Variants in GABBR2 observed in about 807,000 individuals in gnomAD.
GABBR2 encodes the protein G-protein coupled receptor 51.
A neutral mutation model predicts 105.6 loss-of-function variants in GABBR2; 23 were observed. The observed-to-expected ratio is 0.22, with a 90% CI of 0.16 to 0.31. The LOEUF (loss-of-function observed/expected upper bound fraction) is 0.31. GABBR2 is among the 10% of genes least tolerant of loss of function. The probability of loss-of-function intolerance (pLI) is 1.00; values close to 1 mark genes in which losing one functional copy is unlikely to be tolerated. For synonymous variants in GABBR2, 478 were observed against 499.7 expected (o/e 0.96, Z 0.58); for missense variants, 734 against 1,245.5 (o/e 0.59, Z 6.18).
chr9:98,356,598 T>A (rs1018167016), intron 13 of GABBR2, among the ~76,000 whole-genome samples: 1 of 152,234 alleles, frequency 6.6e-6, no homozygotes, highest in African/African-American at 2.4e-5. Context: ...GGAAGACGGT[T>A]TGGTAGTTTC....
intron 3 of GABBR2, among the ~76,000 whole-genome samples, chr9:98,535,781 A>G (rs1382205242): frequency 1.3e-5 from 2 of 152,206 alleles, no homozygotes; most frequent in Non-Finnish European, 1.5e-5. Context: ...CCAATCTGAA[A>G]AGGCTACATT....
chr9:98,439,000 G>T lies in GABBR2; in HGVS notation c.1236+14981C>A, dbSNP rs540077982. ...CTTAACATAAAGATAAAGCAATAAG[G>T]AGGTCACTGTTTCCCAAACCTTGTC... On this transcript the variant is annotated intron_variant, in intron 7 of 18. Transcript: ENST00000259455. 9.2e-5 allele frequency among the ~76,000 whole-genome samples: 14 copies of T among 152,034 alleles called. No homozygotes were observed. In the South Asian group the frequency reaches 2.7e-3, roughly 29 times the overall value.
chr9:98,342,401 G>A (rs1036141362), intron 13 of GABBR2, among the ~76,000 whole-genome samples: 14 of 152,114 alleles, frequency 9.2e-5, no homozygotes, highest in African/African-American at 2.4e-4. Flanking sequence ...CGAGCCAGCC[G>A]GATCATCAAA....
At chr9:98,662,943 G>T (rs1190689802) in intron 1 of GABBR2, among the ~76,000 whole-genome samples, 1 of 152,174 alleles carries the variant, frequency 6.6e-6, no homozygotes, top group African/African-American at 2.4e-5. Flanking sequence ...TCCCACAGGA[G>T]CCAAGAGGTG....
chr9:98,368,916 G>A (rs1001857576), intron 12 of GABBR2, among the ~76,000 whole-genome samples: 1 of 152,214 alleles, frequency 6.6e-6, no homozygotes, highest in South Asian at 2.1e-4. Context: ...GGGTCAGGGC[G>A]GGGCCCAGGA....
At chr9:98,640,207 G>A (rs1490737136) in intron 1 of GABBR2, among the ~76,000 whole-genome samples, 1 of 151,594 alleles carries the variant, frequency 6.6e-6, no homozygotes, top group African/African-American at 2.4e-5. Context: ...GGCAGGGGCA[G>A]GGTCTTATTC....
intron 1 of GABBR2, chr9:98,607,189 A>C: frequency 6.3e-7 from 1 of 1,598,800 alleles, no homozygotes; most frequent in South Asian, 1.1e-5. Context: ...TTGGAGATGC[A>C]GTGGATAATA....
intron 1 of GABBR2, among the ~76,000 whole-genome samples, chr9:98,675,165 G>A (rs542946263): frequency 5.9e-5 from 9 of 152,290 alleles, no homozygotes; most frequent in African/African-American, 1.9e-4. Context: ...GAGAGTGAAC[G>A]CAGATATGTT....
chr9:98,607,846 G>A, intron 1 of GABBR2: 2 of 1,116,674 alleles, frequency 1.8e-6, no homozygotes, highest in Non-Finnish European at 2.7e-6. Context: ...AATGGAAGAA[G>A]AAAGAAGGGA....
At chr9:98,562,345 G>A (rs1438088123) in intron 2 of GABBR2, among the ~76,000 whole-genome samples, 1 of 152,154 alleles carries the variant, frequency 6.6e-6, no homozygotes, top group Non-Finnish European at 1.5e-5. Flanking sequence ...CATGTTCCTT[G>A]CTTGTGTCCA....
chr9:98,423,097 C>G (rs1832813055), intron 7 of GABBR2, among the ~76,000 whole-genome samples: 2 of 152,152 alleles, frequency 1.3e-5, no homozygotes, highest in Non-Finnish European at 1.5e-5. Context: ...TTTATAGCAG[C>G]ATGATTTATA....
At chr9:98,677,287 G>T (rs1368868589) in intron 1 of GABBR2, among the ~76,000 whole-genome samples, 2 of 152,202 alleles carry the variant, frequency 1.3e-5, no homozygotes, top group Non-Finnish European at 2.9e-5. Context: ...CTGCACACTG[G>T]CCAGCCCCCA....
At chr9:98,356,981 C>G (rs935828057) in intron 13 of GABBR2, among the ~76,000 whole-genome samples, 2 of 152,316 alleles carry the variant, frequency 1.3e-5, no homozygotes, top group Admixed American at 1.3e-4. Flanking sequence ...GTGATTCTAA[C>G]TATATGACAT....
chr9:98,366,591 C>T (rs947784926), intron 12 of GABBR2, among the ~76,000 whole-genome samples: 2 of 152,120 alleles, frequency 1.3e-5, no homozygotes, highest in African/African-American at 4.8e-5. Flanking sequence ...TTTCAAAAAA[C>T]TTGAGATTTT....
intron 12 of GABBR2, among the ~76,000 whole-genome samples, chr9:98,363,808 G>T (rs539261724): frequency 6.6e-6 from 1 of 152,122 alleles, no homozygotes; most frequent in East Asian, 1.9e-4. Flanking sequence ...CCCACTTTAC[G>T]TCTGTTTGAT....
At chr9:98,674,522 C>T (rs938682782) in intron 1 of GABBR2, among the ~76,000 whole-genome samples, 2 of 152,112 alleles carry the variant, frequency 1.3e-5, no homozygotes, top group African/African-American at 2.4e-5. Flanking sequence ...ATCCCCACCG[C>T]AGGACCTTTT....
intron 1 of GABBR2, among the ~76,000 whole-genome samples, chr9:98,643,179 G>C (rs1829989303): frequency 6.6e-6 from 1 of 152,236 alleles, no homozygotes; most frequent in African/African-American, 2.4e-5. Flanking sequence ...GGAGGGGAGA[G>C]GGAGCTGAGA....
chr9:98,554,167 G>A (rs1828540652), intron 2 of GABBR2, among the ~76,000 whole-genome samples: 1 of 152,110 alleles, frequency 6.6e-6, no homozygotes, highest in Non-Finnish European at 1.5e-5. Context: ...AGGCATCTGA[G>A]GCTAAGACTA....
chr9:98,706,109 C>CAA (rs3983388), intron 1 of GABBR2, among the ~76,000 whole-genome samples: 8 of 136,998 alleles, frequency 5.8e-5, no homozygotes, highest in East Asian at 4.1e-4. Context: ...ACAAAAAAAA[C>CAA]AAAAAAAAAA....
Sources: gnomAD v4.1 joint callset for allele counts (sites outside exome capture counted in the v4.1 genomes callset) on GRCh38, gnomAD v4.1.1 for gene constraint, MANE v1.5 for transcripts, NCBI Gene and HGNC (gene_info 2026-07-23, HGNC 2026-07-21) for gene names.